The following FAM47B variants were observed in gnomAD, a reference collection of about 807,000 sequenced individuals.
FAM47B encodes the protein family with sequence similarity 47 member B.
For synonymous variants in FAM47B, 247 were observed against 215.8 expected, an observed-to-expected ratio of 1.14 and a Z score of -1.27; for missense variants, 581 against 550.1, an observed-to-expected ratio of 1.06 and a Z score of -0.56.
chrX:34,942,930 C>G lies in FAM47B; in HGVS notation c.99C>G (p.Arg33=), dbSNP rs755391165. 36 of 1,212,201 alleles carry G rather than the reference C, an allele frequency of 3.0e-5. No homozygotes were observed. In the South Asian group the frequency reaches 4.4e-4, roughly 15 times the overall value. ...DKPPSKYFAK[R]KHRRLRFPPV... is the part of the protein sequence containing the mutation. ...CGCCTTCCAAGTACTTCGCGAAGCG[C>G]AAGCACAGGCGCCTGAGGTTCCCGC... Residue 33 remains arginine, a synonymous_variant, in exon 1 of 1, where the codon CGC becomes CGG. Transcript: ENST00000329357.
chrX:34,944,559 G>T lies in FAM47B; in HGVS notation c.1728G>T (p.Lys576Asn), dbSNP rs759768608. ...PLIDPKPVLE[K>N]PDEPDILDGL... ...TTGACCCCAAGCCCGTACTTGAAAA[G>T]CCTGATGAACCCGACATTCTTGACG... The change falls in exon 1 of 1, where the codon AAG (lysine) becomes AAT (asparagine). Residue 576 changes from lysine to asparagine, a missense_variant. Coordinates refer to ENST00000329357, the MANE Select transcript of FAM47B (RefSeq NM_152631.3). The T allele has an allele frequency of 9.2e-5, 111 of 1,208,254 alleles. 1 individual carries two copies. In the South Asian group the frequency reaches 1.0e-3, roughly 11 times the overall value.
chrX:34,944,660 T>C lies in FAM47B; in HGVS notation c.1829T>C (p.Leu610Pro), dbSNP rs1926857113. The C allele has an allele frequency of 1.7e-6, 2 of 1,210,216 alleles. No homozygotes were observed. The highest frequency in any genetic ancestry group is 3.5e-5 in the African/African-American group (2 of 57,201). ...GYRMPGVIEK[L>P]FAKKGWTYDS... ...AGAATGCCTGGCGTCATTGAAAAGC[T>C]GTTTGCCAAGAAGGGATGGACTTAC... Residue 610 changes from leucine to proline, a missense_variant, in exon 1 of 1, where the codon CTG (leucine) becomes CCG (proline). Coordinates refer to ENST00000329357, the MANE Select transcript of FAM47B (RefSeq NM_152631.3).
In FAM47B at chrX:34,943,449, T is replaced by G. The variant is rs148350440; in HGVS notation, c.618T>G (p.Thr206=). ...GTCTCCGTCCTCAGCTTCCCAAGAC[T>G]CCGGTGTCCAGTCGCCGCCCAGAGC... is the stretch of plus-strand genomic sequence containing the variant. ...VSRLRPQLPK[T]PVSSRRPEPP... The change falls in exon 1 of 1, where the codon ACT becomes ACG. Residue 206 remains threonine (T), a synonymous_variant. Transcript: ENST00000329357. The G allele has an allele frequency of 4.6e-3, 5,502 of 1,208,298 alleles. 10 individuals carry two copies. The highest frequency in any genetic ancestry group is 5.6e-3 in the Non-Finnish European group (5,053 of 894,699).
Position 34,942,822 on chromosome X carries a change from G to A in FAM47B, c.-10G>A, listed in dbSNP as rs773538087. On this transcript the variant is annotated 5_prime_UTR_variant, in exon 1 of 1. Coordinates refer to ENST00000329357, the MANE Select transcript of FAM47B (RefSeq NM_152631.3). ...GAAGCTGGAGAGGTGGCACAACAGA[G>A]AGGGCCACCATGGGGGACCGGAGGC... 4.2e-6 allele frequency: 5 copies of A among 1,181,624 alleles called. No homozygotes were observed. The highest frequency in any genetic ancestry group is 5.7e-6 in the Non-Finnish European group (5 of 879,229).
In FAM47B at chrX:34,943,134, G is replaced by T. The variant is rs143433018; in HGVS notation, c.303G>T (p.Ala101=). The T allele has an allele frequency of 7.9e-5, 96 of 1,210,153 alleles. No individual in the cohort carries two copies. The African/African-American group carries it at 1.4e-3, about 18-fold the overall frequency. The stretch of plus-strand genomic sequence containing the variant: ...GGAAGAAAAAGCTGCTCAAGAAAGC[G>T]GCCCTATTTTCCGAGCTCTCGCCAG... ...KSRKKKLLKK[A]ALFSELSPVQ... is the part of the protein sequence containing the mutation. Residue 101 remains alanine, a synonymous_variant, in exon 1 of 1, where the codon GCG becomes GCT. Transcript: ENST00000329357.
rs755876084 is a variant in FAM47B at position 34,943,541 on chromosome X, C to G, written c.710C>G (p.Pro237Arg). ...AAGACTCGGGTGTCCAGTCTCCACC[C>G]GGAACCTCCAGAGACTCGCGCATCT... ...PPKTRVSSLH[P>R]EPPETRASHL... The change falls in exon 1 of 1, where the codon CCG (proline) becomes CGG (arginine). Residue 237 changes from proline to arginine, a missense_variant. By Grantham distance (103) the Pro-to-Arg change is moderately radical (BLOSUM62 -2). Transcript: ENST00000329357. 8.3e-7 allele frequency: 1 copy of G among 1,210,058 alleles called. No individual in the cohort carries two copies. The highest frequency in any genetic ancestry group is 1.8e-5 in the South Asian group (1 of 56,814).
At position 34,944,041 on chromosome X, in the gene FAM47B, A is replaced by G. The variant is rs1332182226; in HGVS notation, c.1210A>G (p.Thr404Ala). The G allele has an allele frequency of 1.7e-6, 2 of 1,200,771 alleles. No homozygotes were observed. The highest frequency in any genetic ancestry group is 2.2e-5 in the Admixed American group (1 of 44,471). The change falls in exon 1 of 1, where the codon ACT (threonine) becomes GCT (alanine). Residue 404 changes from threonine (T) to alanine (A), a missense_variant. Thr to Ala is a moderately conservative substitution (Grantham distance 58). Coordinates refer to ENST00000329357, the MANE Select transcript of FAM47B (RefSeq NM_152631.3). ...MPHLRLVLPITRRMASLCLKP... is the reference protein window; with the variant it reads ...MPHLRLVLPIARRMASLCLKP... ...CCATCTCCGCCTGGTGCTTCCCATA[A>G]CTCGTCGAATGGCCAGTCTCTGCCT... is the stretch of plus-strand genomic sequence containing the variant.
Position 34,942,855 on chromosome X carries a change from C to G in FAM47B, c.24C>G (p.Asp8Glu). 8.3e-7 allele frequency: 1 copy of G among 1,205,763 alleles called. No individual in the cohort carries two copies. The highest frequency in any genetic ancestry group is 1.1e-6 in the Non-Finnish European group (1 of 891,297). Reference protein sequence around the residue: MGDRRPQDRPRSQGMDSK... With the variant: MGDRRPQERPRSQGMDSK... ...CCATGGGGGACCGGAGGCCACAGGACCGGCCAAGGTCCCAAGGCATGGACT... is the reference window on the plus strand; with the variant it reads ...CCATGGGGGACCGGAGGCCACAGGAGCGGCCAAGGTCCCAAGGCATGGACT... The change falls in exon 1 of 1, where the codon GAC becomes GAG. Residue 8 changes from aspartate (D) to glutamate (E), a missense_variant. Transcript: ENST00000329357.
rs1416680817 is a variant in FAM47B, at chrX:34,944,297, G to A, written c.1466G>A (p.Cys489Tyr). 2 of 1,211,920 alleles carry A rather than the reference G, an allele frequency of 1.7e-6. No individual in the cohort carries two copies. The highest frequency in any genetic ancestry group is 3.5e-5 in the South Asian group (2 of 56,974). Residue 489 changes from cysteine (C) to tyrosine (Y), a missense_variant, in exon 1 of 1, where the codon TGC becomes TAC. Transcript: ENST00000329357. Reference protein sequence around the residue: ...ISSLFDFTPECRTTDQDQKIK... With the variant: ...ISSLFDFTPEYRTTDQDQKIK... Reference sequence around the variant, plus strand: ...AGTCTGTTTGACTTTACCCCTGAGTGCAGAACAACCGATCAAGACCAAAAG... The same window carrying A: ...AGTCTGTTTGACTTTACCCCTGAGTACAGAACAACCGATCAAGACCAAAAG...
chrX:34,942,948 G>A lies in FAM47B; in HGVS notation c.117G>A (p.Arg39=), dbSNP rs1159813544. ...CGAAGCGCAAGCACAGGCGCCTGAG[G>A]TTCCCGCCTGTGGACACCCAGAACT... The part of the protein sequence containing the change: ...YFAKRKHRRL[R]FPPVDTQNWV... The change falls in exon 1 of 1, where the codon AGG becomes AGA. Residue 39 remains arginine (R), a synonymous_variant. Transcript: ENST00000329357. 8.2e-7 allele frequency: 1 copy of A among 1,212,129 alleles called. No individual in the cohort carries two copies. Among genetic ancestry groups the A allele is most frequent in the Non-Finnish European group, 1.1e-6 (1 of 895,597 alleles).
In FAM47B at chrX:34,943,233, C is replaced by T. The variant is rs1817526060; in HGVS notation, c.402C>T (p.Tyr134=). Residue 134 remains tyrosine, a synonymous_variant, in exon 1 of 1, where the codon TAC becomes TAT. Coordinates refer to ENST00000329357, the MANE Select transcript of FAM47B (RefSeq NM_152631.3). The part of the protein sequence containing the change: ...QLMTKHPLAM[Y]PNLGKDMPPD... ...TGACCAAGCATCCCTTGGCCATGTA[C>T]CCCAATCTGGGAAAAGATATGCCTC... 1.7e-6 allele frequency: 2 copies of T among 1,211,063 alleles called. No individual in the cohort carries two copies. The highest frequency in any genetic ancestry group is 2.2e-6 in the Non-Finnish European group (2 of 895,207).
In FAM47B at chrX:34,944,425, C is replaced by T. The variant is rs773159030; in HGVS notation, c.1594C>T (p.Arg532Cys). 5.0e-6 allele frequency: 6 copies of T among 1,211,322 alleles called. No individual in the cohort carries two copies. In the Admixed American group the frequency reaches 1.3e-4, roughly 26 times the overall value. ...FLRIKYWDRR[R>C]RAAPHSYSAQ... ...ACGGATAAAATACTGGGACAGGAGA[C>T]GCCGGGCGGCACCGCATTCTTATAG... Residue 532 changes from arginine (R) to cysteine (C), a missense_variant, in exon 1 of 1, where the codon CGC becomes TGC. Arg to Cys is a radical substitution (Grantham distance 180). Transcript: ENST00000329357.
chrX:34,944,712 T>G lies in FAM47B; in HGVS notation c.1881T>G (p.Arg627=). Reference sequence around the variant, plus strand: ...ACTCTGTTAAGACTCCTATTCAACGTGCAGTGCAAGTTTACAAGTACAAAG... The same window carrying G: ...ACTCTGTTAAGACTCCTATTCAACGGGCAGTGCAAGTTTACAAGTACAAAG... ...TYDSVKTPIQ[R]AVQVYKYKED... The change falls in exon 1 of 1, where the codon CGT becomes CGG. Residue 627 remains arginine (R), a synonymous_variant. Coordinates refer to ENST00000329357, the MANE Select transcript of FAM47B (RefSeq NM_152631.3). 8.4e-7 allele frequency: 1 copy of G among 1,195,562 alleles called. No homozygotes were observed. Among genetic ancestry groups the G allele is most frequent in the Non-Finnish European group, 1.1e-6 (1 of 887,064 alleles).
Position 34,943,085 on chromosome X carries a change from G to T in FAM47B, c.254G>T (p.Gly85Val). ...EFLLPKISLR[G>V]PQADRKSRKK... is the part of the protein sequence containing the mutation. Reference sequence around the variant, plus strand: ...TTACTCCCCAAAATATCTCTCAGAGGTCCCCAAGCTGACCGCAAAAGCAGG... The same window carrying T: ...TTACTCCCCAAAATATCTCTCAGAGTTCCCCAAGCTGACCGCAAAAGCAGG... Residue 85 changes from glycine (G) to valine (V), a missense_variant, in exon 1 of 1, where the codon GGT becomes GTT. Physicochemically the swap from Gly to Val is moderately radical, Grantham distance 109. Transcript: ENST00000329357. 8.3e-7 allele frequency: 1 copy of T among 1,211,766 alleles called. No individual in the cohort carries two copies. The highest frequency in any genetic ancestry group is 2.2e-5 in the Admixed American group (1 of 46,066).
In FAM47B at chrX:34,943,577, T is replaced by C. The variant is rs774981074; in HGVS notation, c.746T>C (p.Val249Ala). Residue 249 changes from valine to alanine, a missense_variant, in exon 1 of 1, where the codon GTG (valine) becomes GCG (alanine). Physicochemically the swap from Val to Ala is moderately conservative, Grantham distance 64. Transcript: ENST00000329357. ...GAGACTCGCGCATCTCATCTCCGCG[T>C]GGATCCTCCCGAGACTGGAGTGTCC... ...PPETRASHLR[V>A]DPPETGVSHL... is the part of the protein sequence containing the mutation. 4.1e-6 allele frequency: 5 copies of C among 1,208,451 alleles called. No individual in the cohort carries two copies. In the South Asian group the frequency reaches 7.0e-5, roughly 17 times the overall value.
Position 34,943,973 on chromosome X carries a change from A to G in FAM47B, c.1142A>G (p.His381Arg). 3.3e-6 allele frequency: 4 copies of G among 1,209,968 alleles called. No individual in the cohort carries two copies. The Middle Eastern group carries it at 6.9e-4, about 209-fold the overall frequency. ...GAACTCACCAAGCCTGGTAAATACCATTTTTGGGAATCCTGTCCGCGGCCT... is the reference window on the plus strand; with the variant it reads ...GAACTCACCAAGCCTGGTAAATACCGTTTTTGGGAATCCTGTCCGCGGCCT... Reference protein sequence around the residue: ...TEELTKPGKYHFWESCPRPFE... With the variant: ...TEELTKPGKYRFWESCPRPFE... Residue 381 changes from histidine (H) to arginine (R), a missense_variant, in exon 1 of 1, where the codon CAT becomes CGT. Coordinates refer to ENST00000329357, the MANE Select transcript of FAM47B (RefSeq NM_152631.3).
chrX:34,943,446 G>T lies in FAM47B; in HGVS notation c.615G>T (p.Lys205Asn). ...PVSRLRPQLP[K>N]TPVSSRRPEP... Reference sequence around the variant, plus strand: ...CCCGTCTCCGTCCTCAGCTTCCCAAGACTCCGGTGTCCAGTCGCCGCCCAG... The same window carrying T: ...CCCGTCTCCGTCCTCAGCTTCCCAATACTCCGGTGTCCAGTCGCCGCCCAG... The change falls in exon 1 of 1, where the codon AAG becomes AAT. Residue 205 changes from lysine (K) to asparagine (N), a missense_variant. Lys to Asn is a moderately conservative substitution (Grantham distance 94). Coordinates refer to ENST00000329357, the MANE Select transcript of FAM47B (RefSeq NM_152631.3). 8.3e-7 allele frequency: 1 copy of T among 1,210,823 alleles called. No homozygotes were observed. The highest frequency in any genetic ancestry group is 1.1e-6 in the Non-Finnish European group (1 of 895,240).
At position 34,944,381 on chromosome X, in the gene FAM47B, T is replaced by A. The variant is rs112424097; in HGVS notation, c.1550T>A (p.Met517Lys). 1.3e-5 allele frequency: 16 copies of A among 1,209,707 alleles called. No homozygotes were observed. Among genetic ancestry groups the A allele is most frequent in the African/African-American group, 3.5e-5 (2 of 57,031 alleles). ...ATGTACGGCATGGAGCTAGACGACA[T>A]GGATGAGGTCGAATTCTTACGGATA... ...RLMYGMELDD[M>K]DEVEFLRIKY... is the part of the protein sequence containing the mutation. Residue 517 changes from methionine to lysine, a missense_variant, in exon 1 of 1, where the codon ATG becomes AAG. Coordinates refer to ENST00000329357, the MANE Select transcript of FAM47B (RefSeq NM_152631.3).
At position 34,944,871 on chromosome X, in the gene FAM47B, C is replaced by A; in HGVS notation, c.*102C>A. On this transcript the variant is annotated 3_prime_UTR_variant, in exon 1 of 1. Transcript: ENST00000329357. Reference sequence around the variant, plus strand: ...CCCCGTGAATGTACAACTTTGGCAACATCTGTAAATTCAATACCCAATGCT... The same window carrying A: ...CCCCGTGAATGTACAACTTTGGCAAAATCTGTAAATTCAATACCCAATGCT... The A allele has an allele frequency of 1.0e-6, 1 of 956,056 alleles. No individual in the cohort carries two copies. The allele number at this position is 956,056 out of a possible 1,213,427, so 78.8% of individuals were successfully genotyped here.
Sources: gnomAD v4.1 joint callset for allele counts on GRCh38, gnomAD v4.1.1 for gene constraint, MANE v1.5 for transcripts, NCBI Gene and HGNC (gene_info 2026-07-23, HGNC 2026-07-21) for gene names.